ZFAT: variants seen among roughly 807,000 people sequenced by gnomAD.
ZFAT encodes the protein zinc finger and AT-hook domain containing.
A neutral mutation model predicts 117.7 loss-of-function variants in ZFAT; 64 were observed. That is an observed-to-expected ratio of 0.54 (90% CI 0.44 to 0.67). The LOEUF is 0.67. ZFAT is among the 30% of genes least tolerant of loss of function. The pLI is 0.00. For missense variants in ZFAT, 1,433 were observed against 1,584.5 expected (o/e 0.90, Z 1.62); for synonymous variants, 679 against 615.0 (o/e 1.10, Z -1.54).
the ZFAT span, among the ~76,000 whole-genome samples, chr8:134,735,232 G>A: frequency 5.9e-4 from 90 of 152,238 alleles, no homozygotes; most frequent in Non-Finnish European, 7.6e-4. Flanking sequence ...TGTTGATCTG[G>A]GCATTTTTCC....
chr8:134,575,369 G>A (rs1158416488), intron 10 of ZFAT, among the ~76,000 whole-genome samples: 2 of 152,220 alleles, frequency 1.3e-5, no homozygotes, highest in African/African-American at 4.8e-5. Flanking sequence ...GAGAAGGAGT[G>A]TGGTGATGGA....
chr8:134,510,614 C>G (rs1819756108), intron 14 of ZFAT: 1 of 163,570 alleles, frequency 6.1e-6, no homozygotes, highest in Admixed American at 5.9e-5. Context: ...CCGGCACCCC[C>G]AAACACATGC....
chr8:134,754,633 TAGG>T, the ZFAT span, among the ~76,000 whole-genome samples: 2 of 152,252 alleles, frequency 1.3e-5, no homozygotes, highest in African/African-American at 4.8e-5. Context: ...TGTAAAATAG[TAGG>T]AGGCCTCTGC....
intron 15 of ZFAT, among the ~76,000 whole-genome samples, chr8:134,481,765 GC>G (rs953902552): frequency 1.3e-5 from 2 of 152,248 alleles, no homozygotes; most frequent in African/African-American, 4.8e-5. Context: ...GAGGAGGCCA[GC>G]GTGCCTGACC....
At chr8:134,696,619 A>G (rs1189906043) in intron 1 of ZFAT, 1 of 986,194 alleles carries the variant, frequency 1.0e-6, no homozygotes, top group African/African-American at 1.7e-5. Context: ...GCTTCTCTCC[A>G]ATACAGCCAC....
chr8:134,583,204 C>A (rs1415238873), intron 10 of ZFAT, among the ~76,000 whole-genome samples: 1 of 152,096 alleles, frequency 6.6e-6, no homozygotes, highest in Admixed American at 6.5e-5. Context: ...GCTCTTCTGC[C>A]CTGCCTTCTA....
intron 11 of ZFAT, among the ~76,000 whole-genome samples, chr8:134,558,258 C>T (rs2130737474): frequency 6.6e-6 from 1 of 152,300 alleles, no homozygotes; most frequent in South Asian, 2.1e-4. Flanking sequence ...TCCCCAGCAC[C>T]CCAGCACTTC....
rs1009308349 is a variant in ZFAT, at chr8:134,596,918, G to T, written c.2475+3518C>A. Reference sequence around the variant, plus strand: ...AGGGATGGCAGCTGATGGGTACCAGGTTCCTTTATGGGATGATGAAAAAGC... The same window carrying T: ...AGGGATGGCAGCTGATGGGTACCAGTTTCCTTTATGGGATGATGAAAAAGC... On this transcript the variant is annotated intron_variant, in intron 7 of 15. Transcript: ENST00000377838. 5.3e-5 allele frequency among the ~76,000 whole-genome samples: 8 copies of T among 151,996 alleles called. No homozygotes were observed. The South Asian group carries it at 1.0e-3, about 20-fold the overall frequency.
intron 7 of ZFAT, among the ~76,000 whole-genome samples, chr8:134,592,135 A>G (rs1826555549): frequency 5.3e-5 from 8 of 152,208 alleles, no homozygotes. Context: ...CAGAAGGACT[A>G]ATTCCCTCTA....
chr8:134,676,916 A>T (rs920785839), intron 1 of ZFAT, among the ~76,000 whole-genome samples: 1 of 152,230 alleles, frequency 6.6e-6, no homozygotes, highest in African/African-American at 2.4e-5. Flanking sequence ...AAGACACAAC[A>T]TACCAGAATC....
chr8:134,719,289 A>T, the ZFAT span, among the ~76,000 whole-genome samples: 1 of 152,188 alleles, frequency 6.6e-6, no homozygotes, highest in Non-Finnish European at 1.5e-5. Context: ...TGGACAACTT[A>T]CTTATCTGCA....
At chr8:134,621,661 G>C (rs942570662) in intron 3 of ZFAT, among the ~76,000 whole-genome samples, 1 of 152,040 alleles carries the variant, frequency 6.6e-6, no homozygotes, top group African/African-American at 2.4e-5. Context: ...GCTTTTTCCT[G>C]CTTTTTAGGC....
At chr8:134,825,567 T>C in the ZFAT span, among the ~76,000 whole-genome samples, 1 of 152,214 alleles carries the variant, frequency 6.6e-6, no homozygotes, top group Non-Finnish European at 1.5e-5. Context: ...GAGCACTCTA[T>C]CAGCGCATTA....
chr8:134,588,168 C>T (rs1232602507), intron 9 of ZFAT, 78 bp downstream of exon 9: 39 of 1,455,030 alleles, frequency 2.7e-5, no homozygotes, highest in Middle Eastern at 4.1e-4. Context: ...GATACGGCTT[C>T]CTCTTAATGT....
chr8:134,802,453 C>T, the ZFAT span, among the ~76,000 whole-genome samples: 1 of 152,156 alleles, frequency 6.6e-6, no homozygotes, highest in Non-Finnish European at 1.5e-5. Flanking sequence ...ACCTCAAGCC[C>T]ATGACTCATG....
chr8:134,563,816 G>C (rs1222521645), intron 11 of ZFAT, among the ~76,000 whole-genome samples: 1 of 152,094 alleles, frequency 6.6e-6, no homozygotes, highest in East Asian at 1.9e-4. Flanking sequence ...CAGCTCCCCA[G>C]TGCTTTCTTT....
the ZFAT span, among the ~76,000 whole-genome samples, chr8:134,747,760 A>G: frequency 6.6e-6 from 1 of 151,980 alleles, no homozygotes; most frequent in Non-Finnish European, 1.5e-5. Context: ...CCCTTTTTTT[A>G]CAGCCCTGTA....
At chr8:134,566,393 C>CA (rs57041885) in intron 10 of ZFAT, among the ~76,000 whole-genome samples, 18,027 of 77,280 alleles carry the variant, frequency 0.23, 2,554 homozygotes, top group Non-Finnish European at 0.28. Flanking sequence ...GACTCCAACT[C>CA]AAAAAAAAAA....
chr8:134,625,930 T>C (rs1829466155), intron 3 of ZFAT, among the ~76,000 whole-genome samples: 1 of 152,108 alleles, frequency 6.6e-6, no homozygotes, highest in African/African-American at 2.4e-5. Context: ...ACACTGAAAA[T>C]CGCTGCACTT....
Sources: allele counts gnomAD v4.1 joint callset (sites outside exome capture counted in the v4.1 genomes callset), GRCh38; gene constraint gnomAD v4.1.1; transcripts MANE v1.5; gene names NCBI Gene and HGNC (gene_info 2026-07-23, HGNC 2026-07-21).